OR6C3: variants seen among roughly 807,000 people sequenced by gnomAD.
OR6C3 encodes olfactory receptor 6C3.
For synonymous variants in OR6C3, 177 were observed against 137.4 expected (o/e 1.29, Z -2.02); for missense variants, 487 against 364.6 (o/e 1.34, Z -2.73).
chr12:55,331,635 T>C (rs1868850330), intron 1 of OR6C3, 22 bp from the exon 2 acceptor site: 1 of 993,576 alleles, frequency 1.0e-6, no homozygotes, highest in Non-Finnish European at 1.5e-6. Flanking sequence ...TAATTATCAT[T>C]CTACCAAAAT....
Position 55,332,596 on chromosome 12 carries a change from A to G in OR6C3, c.896A>G (p.Lys299Arg). Residue 299 changes from lysine to arginine, a missense_variant, in exon 2 of 2, where the codon AAA (lysine) becomes AGA (arginine). Transcript: ENST00000641740. Reference protein sequence around the residue: ...LRNQQVKQAFKNVVHKVVFYA... With the variant: ...LRNQQVKQAFRNVVHKVVFYA... The stretch of plus-strand genomic sequence containing the variant: ...AACCAGCAAGTAAAACAAGCCTTCA[A>G]AAATGTGGTCCACAAAGTTGTGTTT... 6.2e-7 allele frequency: 1 copy of G among 1,606,046 alleles called. No homozygotes were observed. The highest frequency in any genetic ancestry group is 8.5e-7 in the Non-Finnish European group (1 of 1,178,516).
At chr12:55,330,609 G>A (rs149417984), upstream of OR6C3, 538 of 152,240 alleles carry the variant, frequency 3.5e-3, 1 homozygote, top group African/African-American at 0.012. Context: ...TAACTGACTA[G>A]GTTAGAATGA....
chr12:55,331,493 G>T (rs1868844142), intron 1 of OR6C3, among the ~76,000 whole-genome samples, 164 bp from the exon 2 acceptor site: 1 of 152,036 alleles, frequency 6.6e-6, no homozygotes, highest in African/African-American at 2.4e-5. Flanking sequence ...TAGTAAATAG[G>T]CTGGACTTAG....
rs1312457494 is a variant in OR6C3 at position 55,331,854 on chromosome 12, C to G, written c.154C>G (p.Leu52Val). The change falls in exon 2 of 2, where the codon CTG becomes GTG. Residue 52 changes from leucine to valine, a missense_variant. By Grantham distance (32) the Leu-to-Val change is conservative (BLOSUM62 1). Coordinates refer to ENST00000641740, the MANE Select transcript of OR6C3 (RefSeq NM_001388498.1). ...CACCCTAACCTTTGTGGACTCCCATCTGCAGACACCTATGTATTTCTTCCT... is the reference window on the plus strand; with the variant it reads ...CACCCTAACCTTTGTGGACTCCCATGTGCAGACACCTATGTATTTCTTCCT... Reference protein sequence around the residue: ...IITLTFVDSHLQTPMYFFLRN... With the variant: ...IITLTFVDSHVQTPMYFFLRN... 5.6e-6 allele frequency: 9 copies of G among 1,613,996 alleles called. No individual in the cohort carries two copies. Among genetic ancestry groups the G allele is most frequent in the Non-Finnish European group, 7.6e-6 (9 of 1,179,992 alleles).
At position 55,332,075 on chromosome 12, in the gene OR6C3, G is replaced by C; in HGVS notation, c.375G>C (p.Lys125Asn). ...ATGACCGCTATGTTGCCATCTGCAA[G>C]CCCCTTCATTACACATCCATCATGA... ...MSYDRYVAIC[K>N]PLHYTSIMNR... The change falls in exon 2 of 2, where the codon AAG (lysine) becomes AAC (asparagine). Residue 125 changes from lysine to asparagine, a missense_variant. Transcript: ENST00000641740. The C allele has an allele frequency of 6.2e-7, 1 of 1,614,052 alleles. No individual in the cohort carries two copies. The highest frequency in any genetic ancestry group is 8.5e-7 in the Non-Finnish European group (1 of 1,180,004).
chr12:55,330,726 TC>T (rs1162102092), upstream of OR6C3: 6 of 152,258 alleles, frequency 3.9e-5, no homozygotes, highest in Admixed American at 1.3e-4. Flanking sequence ...TAAAACTTTT[TC>T]CGTAAAGCTC....
At chr12:55,330,085 G>T (rs1231940204), upstream of OR6C3, 1 of 152,114 alleles carries the variant, frequency 6.6e-6, no homozygotes, top group African/African-American at 2.4e-5. Context: ...CAGAGATGTG[G>T]CCTGGACTTT....
At chr12:55,330,050 A>C (rs1025945877), upstream of OR6C3, 48 of 152,308 alleles carry the variant, frequency 3.2e-4, 1 homozygote, top group Non-Finnish European at 1.0e-4. Flanking sequence ...CGACTTCCAG[A>C]AATCTTTCAT....
At position 55,331,679 on chromosome 12, in the gene OR6C3, GGAGA is replaced by G. The variant is rs1160483603; in HGVS notation, c.-15_-12del. 4.0e-6 allele frequency: 6 copies of G among 1,505,354 alleles called. No homozygotes were observed. The highest frequency in any genetic ancestry group is 1.4e-5 in the African/African-American group (1 of 71,898). 93.2% of individuals were successfully genotyped at this position (1,505,354 alleles called of 1,614,324 possible). On this transcript the variant is annotated 5_prime_UTR_variant, in exon 2 of 2. Transcript: ENST00000641740. Reference sequence around the variant, plus strand: ...AAGAACAAAAAGGAGAGTGGAAGAAGGAGAGAGAGAAAGGACGAGACATGAACCA... The same window carrying G: ...AAGAACAAAAAGGAGAGTGGAAGAAGGAGAGAAAGGACGAGACATGAACCA...
chr12:55,332,591 C>T lies in OR6C3; in HGVS notation c.891C>T (p.Ala297=). The change falls in exon 2 of 2, where the codon GCC becomes GCT. Residue 297 remains alanine (A), a synonymous_variant. Transcript: ENST00000641740. The stretch of plus-strand genomic sequence containing the variant: ...TGAGAAACCAGCAAGTAAAACAAGC[C>T]TTCAAAAATGTGGTCCACAAAGTTG... ...YTLRNQQVKQ[A]FKNVVHKVVF... The T allele has an allele frequency of 1.2e-6, 2 of 1,606,934 alleles. No individual in the cohort carries two copies. The highest frequency in any genetic ancestry group is 1.1e-5 in the South Asian group (1 of 90,380).
Position 55,332,610 on chromosome 12 carries a change from A to G in OR6C3, c.910A>G (p.Lys304Glu). The change falls in exon 2 of 2, where the codon AAA (lysine) becomes GAA (glutamate). Residue 304 changes from lysine (K) to glutamate (E), a missense_variant. Physicochemically the swap from Lys to Glu is moderately conservative, Grantham distance 56. Coordinates refer to ENST00000641740, the MANE Select transcript of OR6C3 (RefSeq NM_001388498.1). The stretch of plus-strand genomic sequence containing the variant: ...ACAAGCCTTCAAAAATGTGGTCCAC[A>G]AAGTTGTGTTTTATGCAAATCAATG... Reference protein sequence around the residue: ...VKQAFKNVVHKVVFYANQ With the variant: ...VKQAFKNVVHEVVFYANQ The G allele has an allele frequency of 2.5e-6, 4 of 1,599,162 alleles. No homozygotes were observed. The highest frequency in any genetic ancestry group is 3.4e-6 in the Non-Finnish European group (4 of 1,176,228).
chr12:55,332,137 G>A lies in OR6C3; in HGVS notation c.437G>A (p.Trp146Ter), dbSNP rs1868878830. 1.9e-6 allele frequency: 3 copies of A among 1,614,058 alleles called. No individual in the cohort carries two copies. Among genetic ancestry groups the A allele is most frequent in the South Asian group, 1.1e-5 (1 of 91,076 alleles). ...KLCTLLVLCA[W>*]LSGFLTIFPP... is the part of the protein sequence containing the mutation. ...TGCACTCTACTTGTGCTGTGTGCCT[G>A]GCTAAGTGGGTTTCTGACCATTTTC... Residue 146 changes from tryptophan (W) to a stop codon, truncating the protein, a stop_gained, in exon 2 of 2, where the codon TGG (tryptophan) becomes TAG (stop). Transcript: ENST00000641740. LOFTEE classifies it low-confidence loss of function (END_TRUNC).
At position 55,331,665 on chromosome 12, in the gene OR6C3, GGA is replaced by G. The variant is rs1240781750; in HGVS notation, c.-32_-31del. ...CAAAATATCTTTAAAAGAACAAAAA[GGA>G]GAGTGGAAGAAGGAGAGAGAGAAAG... On this transcript the variant is annotated 5_prime_UTR_variant, in exon 2 of 2. Coordinates refer to ENST00000641740, the MANE Select transcript of OR6C3 (RefSeq NM_001388498.1). 7.5e-7 allele frequency: 1 copy of G among 1,339,250 alleles called. No homozygotes were observed. The highest frequency in any genetic ancestry group is 1.0e-6 in the Non-Finnish European group (1 of 961,904). The allele number at this position is 1,339,250 out of a possible 1,614,324, so 83.0% of individuals were successfully genotyped here.
Position 55,332,590 on chromosome 12 carries a change from C to T in OR6C3, c.890C>T (p.Ala297Val). The T allele has an allele frequency of 6.2e-7, 1 of 1,607,046 alleles. No individual in the cohort carries two copies. Among genetic ancestry groups the T allele is most frequent in the Non-Finnish European group, 8.5e-7 (1 of 1,178,646 alleles). ...YTLRNQQVKQ[A>V]FKNVVHKVVF... is the part of the protein sequence containing the mutation. Reference sequence around the variant, plus strand: ...CTGAGAAACCAGCAAGTAAAACAAGCCTTCAAAAATGTGGTCCACAAAGTT... The same window carrying T: ...CTGAGAAACCAGCAAGTAAAACAAGTCTTCAAAAATGTGGTCCACAAAGTT... The change falls in exon 2 of 2, where the codon GCC becomes GTC. Residue 297 changes from alanine to valine, a missense_variant. By Grantham distance (64) the Ala-to-Val change is moderately conservative. Transcript: ENST00000641740.
At chr12:55,331,302 G>T (rs4590978) in intron 1 of OR6C3, among the ~76,000 whole-genome samples, 32,935 of 150,384 alleles carry the variant, frequency 0.22, 3,756 homozygotes, top group East Asian at 0.5. Context: ...ATCCTTTAAT[G>T]TATACATGAT....
chr12:55,331,130 T>A (rs1410674295), intron 1 of OR6C3, among the ~76,000 whole-genome samples: 1 of 151,240 alleles, frequency 6.6e-6, no homozygotes, highest in Non-Finnish European at 1.5e-5. Flanking sequence ...AATGAATAAA[T>A]AAAATAACAT....
rs1212486938 is a variant in OR6C3, at chr12:55,332,178, C to G, written c.478C>G (p.Leu160Val). Residue 160 changes from leucine (L) to valine (V), a missense_variant, in exon 2 of 2, where the codon CTC becomes GTC. Transcript: ENST00000641740. ...FLTIFPPLML[L>V]LQLDYCASNV... The stretch of plus-strand genomic sequence containing the variant: ...GACCATTTTCCCACCCCTTATGCTT[C>G]TCCTCCAGCTGGATTACTGTGCTTC... 6.2e-7 allele frequency: 1 copy of G among 1,614,040 alleles called. No individual in the cohort carries two copies. The highest frequency in any genetic ancestry group is 1.3e-5 in the African/African-American group (1 of 75,002).
rs779967981 is a variant in OR6C3 at position 55,332,055 on chromosome 12, C to T, written c.355C>T (p.Arg119Cys). 7.9e-5 allele frequency: 128 copies of T among 1,613,930 alleles called. No homozygotes were observed. Among genetic ancestry groups the T allele is most frequent in the South Asian group, 1.3e-4 (12 of 91,086 alleles). ...CATTTTAACTGCCATGTCCTATGAC[C>T]GCTATGTTGCCATCTGCAAGCCCCT... ...FYILTAMSYD[R>C]YVAICKPLHY... Residue 119 changes from arginine to cysteine, a missense_variant, in exon 2 of 2, where the codon CGC (arginine) becomes TGC (cysteine). Arg to Cys is a radical substitution (Grantham distance 180, BLOSUM62 -3). Coordinates refer to ENST00000641740, the MANE Select transcript of OR6C3 (RefSeq NM_001388498.1).
At position 55,331,809 on chromosome 12, in the gene OR6C3, A is replaced by G. The variant is rs777691084; in HGVS notation, c.109A>G (p.Thr37Ala). 10 of 1,613,562 alleles carry G rather than the reference A, an allele frequency of 6.2e-6. No individual in the cohort carries two copies. The Admixed American group carries it at 1.7e-4, about 27-fold the overall frequency. Residue 37 changes from threonine (T) to alanine (A), a missense_variant, in exon 2 of 2, where the codon ACT (threonine) becomes GCT (alanine). Coordinates refer to ENST00000641740, the MANE Select transcript of OR6C3 (RefSeq NM_001388498.1). ...ATTTATCACGTATATATTAAGTGTT[A>G]CTGGAAACCTGACTATCATCACCCT... Reference protein sequence around the residue: ...FLFITYILSVTGNLTIITLTF... With the variant: ...FLFITYILSVAGNLTIITLTF...
Sources: gnomAD v4.1 joint callset for allele counts (sites outside exome capture counted in the v4.1 genomes callset) on GRCh38, gnomAD v4.1.1 for gene constraint, MANE v1.5 for transcripts, NCBI Gene and HGNC (gene_info 2026-07-23, HGNC 2026-07-21) for gene names.